Variants in AHCTF1 observed in about 807,000 individuals in gnomAD.
The protein encoded by AHCTF1 is protein ELYS.
Under a neutral mutation model 248.4 loss-of-function variants are expected in AHCTF1, and 24 were observed. That is an observed-to-expected ratio of 0.10 (90% CI 0.07 to 0.14). The LOEUF (loss-of-function observed/expected upper bound fraction) is 0.14. AHCTF1 is among the 10% of genes least tolerant of loss of function. The pLI, the probability that AHCTF1 is intolerant of heterozygous loss-of-function variation, is 1.00. For missense variants in AHCTF1, 2,206 were observed against 2,636.2 expected, an observed-to-expected ratio of 0.84 and a Z score of 3.57; for synonymous variants, 786 against 929.8, an observed-to-expected ratio of 0.85 and a Z score of 2.81.
At chr1:246,853,417 AC>A in intron 31 of AHCTF1, 118 bp from the exon 32 acceptor site, 1 of 730,784 alleles carries the variant, frequency 1.4e-6, no homozygotes, top group Non-Finnish European at 2.2e-6. Context: ...ATAAACTATC[AC>A]AATGCCAGAA....
At chr1:246,892,377 C>T (rs1664271903) in intron 14 of AHCTF1, among the ~76,000 whole-genome samples, 1 of 125,526 alleles carries the variant, frequency 8.0e-6, no homozygotes, top group Non-Finnish European at 1.6e-5. Context: ...TGCAGTGGTG[C>T]AATCTCAATC....
chr1:246,922,585 G>C (rs1666619065), intron 1 of AHCTF1, among the ~76,000 whole-genome samples: 1 of 151,376 alleles, frequency 6.6e-6, no homozygotes, highest in African/African-American at 2.4e-5. Flanking sequence ...GTAGAAATAA[G>C]GTCTCACTAT....
intron 29 of AHCTF1, among the ~76,000 whole-genome samples, chr1:246,858,180 CG>C (rs1213997368): frequency 2.0e-5 from 3 of 151,864 alleles, no homozygotes; most frequent in African/African-American, 7.3e-5. Context: ...AGGATGGTCT[CG>C]ATCTCCTGAC....
chr1:246,854,365 C>T (rs932972836), intron 31 of AHCTF1, among the ~76,000 whole-genome samples: 3 of 151,616 alleles, frequency 2.0e-5, no homozygotes, highest in Admixed American at 2.0e-4. Flanking sequence ...GGAATCTACC[C>T]GAAAGAAATA....
intron 1 of AHCTF1, among the ~76,000 whole-genome samples, chr1:246,926,180 G>A (rs375765269): frequency 1.3e-5 from 2 of 152,078 alleles, no homozygotes; most frequent in East Asian, 3.8e-4. Context: ...GGCAGCTGCT[G>A]GTGTCATGCC....
At position 246,851,213 on chromosome 1, in the gene AHCTF1, C is replaced by T; in HGVS notation, c.4793G>A (p.Gly1598Asp). The change falls in exon 33 of 36, where the codon GGT becomes GAT. Residue 1598 changes from glycine (G) to aspartate (D), a missense_variant. Gly to Asp is a moderately conservative substitution (Grantham distance 94). This residue lies in a region of AHCTF1 where 955 missense variants were observed against 1,055.6 expected (regional missense o/e 0.90). Coordinates refer to ENST00000648844, the MANE Select transcript of AHCTF1 (RefSeq NM_001323342.2). ...AQSNFTLILE[G>D]EEGEVEPGDF... is the part of the protein sequence containing the mutation. ...ACCTGGCTCAACTTCTCCTTCTTCA[C>T]CTTCCAATATCAAGGTAAAGTTGCT... 1 of 1,613,936 alleles carries T rather than the reference C, an allele frequency of 6.2e-7. No individual in the cohort carries two copies. The highest frequency in any genetic ancestry group is 8.5e-7 in the Non-Finnish European group (1 of 1,179,848).
intron 7 of AHCTF1, among the ~76,000 whole-genome samples, chr1:246,903,663 T>TCC (rs1237536580): frequency 5.4e-5 from 3 of 55,490 alleles, no homozygotes; most frequent in African/African-American, 2.1e-4. Flanking sequence ...CCCCCCCCCC[T>TCC]CCGTCTCTGC....
chr1:246,869,546 G>A (rs551288892), intron 24 of AHCTF1, among the ~76,000 whole-genome samples: 52 of 152,264 alleles, frequency 3.4e-4, no homozygotes, highest in South Asian at 3.1e-3. Flanking sequence ...TGTAGCTGAT[G>A]ACTTTAAATT....
Position 246,841,012 on chromosome 1 carries a change from A to G in AHCTF1, c.6609-14T>C, listed in dbSNP as rs766295291. 4 of 1,585,984 alleles carry G rather than the reference A, an allele frequency of 2.5e-6. No individual in the cohort carries two copies. Among genetic ancestry groups the G allele is most frequent in the African/African-American group, 2.8e-5 (2 of 72,174 alleles). ...TTTTCTGTGTTTCTGAAAAAAAAAG[A>G]TATGATCAAGTAAGAATAAACACAT... is the stretch of plus-strand genomic sequence containing the variant. On this transcript the variant is annotated splice_polypyrimidine_tract_variant and intron_variant, in intron 35 of 35. Coordinates refer to ENST00000648844, the MANE Select transcript of AHCTF1 (RefSeq NM_001323342.2).
intron 30 of AHCTF1, among the ~76,000 whole-genome samples, chr1:246,856,083 G>A (rs911743729): frequency 6.6e-6 from 1 of 152,270 alleles, no homozygotes; most frequent in Admixed American, 6.5e-5. Flanking sequence ...GAAATGAAAT[G>A]ATTTTAAAAT....
Position 246,853,156 on chromosome 1 carries a change from T to C in AHCTF1, c.4498A>G (p.Ser1500Gly). 1.2e-6 allele frequency: 2 copies of C among 1,612,958 alleles called. No individual in the cohort carries two copies. The highest frequency in any genetic ancestry group is 1.7e-6 in the Non-Finnish European group (2 of 1,179,426). ...HEVEVGVLKE[S>G]VDLPEEKLPI... ...AGCTTTTCTTCTGGTAAGTCAACAC[T>C]TTCTTTTAGTACACCAACTTCTACT... Residue 1500 changes from serine to glycine, a missense_variant, in exon 32 of 36, where the codon AGT becomes GGT. By Grantham distance (56) the Ser-to-Gly change is moderately conservative. This residue lies in a region of AHCTF1 where 955 missense variants were observed against 1,055.6 expected (regional missense o/e 0.90). Transcript: ENST00000648844.
At chr1:246,892,674 T>C (rs1030514702) in intron 14 of AHCTF1, among the ~76,000 whole-genome samples, 4 of 152,020 alleles carry the variant, frequency 2.6e-5, no homozygotes, top group East Asian at 3.9e-4. Context: ...CTCTGTCACC[T>C]GGGCTGGAGT....
intron 27 of AHCTF1, 132 bp downstream of exon 27, chr1:246,863,790 CAT>C: frequency 1.2e-6 from 1 of 857,696 alleles, no homozygotes; most frequent in Non-Finnish European, 1.8e-6. Flanking sequence ...GATGTGAAAA[CAT>C]AAAAGGATGC....
chr1:246,899,338 C>G (rs1664834240), intron 11 of AHCTF1, 113 bp downstream of exon 11: 3 of 800,578 alleles, frequency 3.7e-6, no homozygotes, highest in Non-Finnish European at 3.9e-6. Context: ...GCAGAAGCTA[C>G]CATTTAAGCT....
chr1:246,914,450 T>C (rs1270744194), intron 3 of AHCTF1, among the ~76,000 whole-genome samples: 1 of 152,228 alleles, frequency 6.6e-6, no homozygotes, highest in African/African-American at 2.4e-5. Flanking sequence ...GCTCTTTCTC[T>C]ATATCAGTAT....
At chr1:246,863,591 G>C (rs940005010) in intron 27 of AHCTF1, among the ~76,000 whole-genome samples, 2 of 151,920 alleles carry the variant, frequency 1.3e-5, no homozygotes, top group African/African-American at 2.4e-5. Context: ...TTTGATAGAA[G>C]AAATAACAGC....
At chr1:246,926,565 A>T (rs972178745) in intron 1 of AHCTF1, among the ~76,000 whole-genome samples, 1 of 152,246 alleles carries the variant, frequency 6.6e-6, no homozygotes, top group Non-Finnish European at 1.5e-5. Context: ...CTCTATTATT[A>T]GAAATAGGGG....
intron 30 of AHCTF1, among the ~76,000 whole-genome samples, chr1:246,857,216 T>C (rs1329280828): frequency 1.3e-5 from 2 of 152,226 alleles, no homozygotes; most frequent in African/African-American, 2.4e-5. Flanking sequence ...GAATACGTCA[T>C]CTGGTAAAGT....
At position 246,913,260 on chromosome 1, in the gene AHCTF1, T is replaced by C. The variant is rs780758041; in HGVS notation, c.528A>G (p.Ser176=). 6.2e-7 allele frequency: 1 copy of C among 1,610,144 alleles called. No individual in the cohort carries two copies. The highest frequency in any genetic ancestry group is 1.1e-5 in the South Asian group (1 of 90,644). The stretch of plus-strand genomic sequence containing the variant: ...ATGCTTCAACTTCATTTTGATTGCA[T>C]GACAAGTCATCCAAACATAGGTCAA... The part of the protein sequence containing the change: ...LLVDLCLDDL[S]CNQNEVEASD... The change falls in exon 4 of 36, where the codon TCA becomes TCG. Residue 176 remains serine, a synonymous_variant. Transcript: ENST00000648844.
Sources: allele counts gnomAD v4.1 joint callset (sites outside exome capture counted in the v4.1 genomes callset), GRCh38; gene constraint gnomAD v4.1.1; regional missense constraint gnomAD v4.1.1; transcripts MANE v1.5; gene names NCBI Gene and HGNC (gene_info 2026-07-23, HGNC 2026-07-21).